The following N4BP2L2 variants were observed in gnomAD, a reference collection of about 807,000 sequenced individuals.
N4BP2L2 encodes NEDD4-binding protein 2-like 2.
N4BP2L2 carries 50 observed loss-of-function variants against 56.2 expected under a neutral mutation model. The observed-to-expected ratio is 0.89, with a 90% confidence interval of 0.71 to 1.13. N4BP2L2 has a LOEUF of 1.13. Ranked by LOEUF, N4BP2L2 falls within the 50% of genes most tolerant of loss-of-function variation. The probability of loss-of-function intolerance (pLI) is 0.00; values close to 1 mark genes in which losing one functional copy is unlikely to be tolerated. For missense variants in N4BP2L2, 689 were observed against 693.8 expected (o/e 0.99, Z 0.08); for synonymous variants, 203 against 223.6 (o/e 0.91, Z 0.82).
intron 6 of N4BP2L2, among the ~76,000 whole-genome samples, chr13:32,454,319 A>C (rs763950189): frequency 6.6e-6 from 1 of 152,248 alleles, no homozygotes; most frequent in Non-Finnish European, 1.5e-5. Flanking sequence ...TACTAAACTA[A>C]TGGAACAAAG....
chr13:32,527,253 A>T, intron 3 of N4BP2L2, 155 bp downstream of exon 3: 2 of 725,676 alleles, frequency 2.8e-6, no homozygotes, highest in Non-Finnish European at 4.3e-6. Flanking sequence ...TATAATTATC[A>T]CCACCTCTAA....
At chr13:32,520,395 C>T (rs968419414) in intron 5 of N4BP2L2, among the ~76,000 whole-genome samples, 9 of 150,982 alleles carry the variant, frequency 6.0e-5, no homozygotes, top group African/African-American at 2.2e-4. Context: ...TGGCTCATGC[C>T]TTTAATCCCA....
intron 2 of N4BP2L2, 140 bp from the exon 3 acceptor site, chr13:32,527,672 G>A (rs2053443402): frequency 6.6e-6 from 6 of 902,470 alleles, no homozygotes; most frequent in Non-Finnish European, 6.6e-6. Context: ...TTACCTGAAA[G>A]TATATCACGA....
chr13:32,488,928 A>G (rs1038212049), intron 6 of N4BP2L2, among the ~76,000 whole-genome samples: 1 of 152,206 alleles, frequency 6.6e-6, no homozygotes, highest in African/African-American at 2.4e-5. Flanking sequence ...TAACAAACAT[A>G]AACTCATGGT....
chr13:32,460,251 A>G (rs1339196256), intron 6 of N4BP2L2, among the ~76,000 whole-genome samples: 1 of 152,190 alleles, frequency 6.6e-6, no homozygotes, highest in Non-Finnish European at 1.5e-5. Context: ...AAACAAGACA[A>G]GGATGCTCAC....
intron 6 of N4BP2L2, among the ~76,000 whole-genome samples, chr13:32,503,907 G>A (rs1317967274): frequency 6.6e-6 from 1 of 152,130 alleles, no homozygotes; most frequent in Non-Finnish European, 1.5e-5. Context: ...TAGCTGGGAG[G>A]ATTGCTTGAG....
At chr13:32,452,045 T>TTTTTTC (rs1262139195) in intron 6 of N4BP2L2, among the ~76,000 whole-genome samples, 1 of 136,182 alleles carries the variant, frequency 7.3e-6, no homozygotes, top group African/African-American at 2.5e-5. Context: ...ACCTCCAGCT[T>TTTTTTC]TTTTTCTTTT....
At chr13:32,538,537 A>C (rs2057214586) in intron 1 of N4BP2L2, 81 bp downstream of exon 1, 1 of 799,098 alleles carries the variant, frequency 1.3e-6, no homozygotes. Flanking sequence ...TTTACAGCTA[A>C]TCTAAACAGT....
chr13:32,442,341 A>G (rs2138292547), intron 7 of N4BP2L2: 4 of 1,432,276 alleles, frequency 2.8e-6, no homozygotes, highest in East Asian at 2.5e-5. Context: ...AATTACTTAC[A>G]TATGTTAAAC....
downstream of N4BP2L2, chr13:32,507,473 A>T (rs1237935723): frequency 6.6e-6 from 1 of 152,234 alleles, no homozygotes; most frequent in Non-Finnish European, 1.5e-5. Flanking sequence ...CAAAATAAAC[A>T]TGTCCTCATT....
chr13:32,466,895 T>C (rs1163559060), intron 6 of N4BP2L2, among the ~76,000 whole-genome samples: 1 of 152,224 alleles, frequency 6.6e-6, no homozygotes, highest in Non-Finnish European at 1.5e-5. Context: ...AAGGGAGTCT[T>C]CCCTAAGAAC....
chr13:32,477,949 C>T (rs1466234149), intron 6 of N4BP2L2: 2 of 1,289,376 alleles, frequency 1.6e-6, no homozygotes, highest in Non-Finnish European at 2.0e-6. Flanking sequence ...GTTCTTGCTG[C>T]TCTTGGTCAT....
chr13:32,466,894 T>C (rs377048542), intron 6 of N4BP2L2, among the ~76,000 whole-genome samples: 2 of 152,234 alleles, frequency 1.3e-5, no homozygotes, highest in East Asian at 3.8e-4. Context: ...AAAGGGAGTC[T>C]TCCCTAAGAA....
intron 2 of N4BP2L2, among the ~76,000 whole-genome samples, chr13:32,529,252 G>A (rs1465181342): frequency 1.3e-5 from 2 of 152,196 alleles, no homozygotes; most frequent in East Asian, 3.8e-4. Context: ...AGGTTGGTGT[G>A]AACGTAATTG....
chr13:32,520,358 A>T (rs2050478878), intron 5 of N4BP2L2, among the ~76,000 whole-genome samples: 1 of 75,236 alleles, frequency 1.3e-5, no homozygotes, highest in East Asian at 2.9e-4. Context: ...GATAAAAGTT[A>T]AAAAAAAAAA....
chr13:32,537,444 T>C (rs1392722081), intron 1 of N4BP2L2, among the ~76,000 whole-genome samples: 1 of 152,142 alleles, frequency 6.6e-6, no homozygotes, highest in African/African-American at 2.4e-5. Context: ...ATACTCAAAA[T>C]GGCTGTGATA....
chr13:32,527,415 C>A, exon 3 of N4BP2L2: 3 of 1,613,866 alleles, frequency 1.9e-6, no homozygotes, highest in Non-Finnish European at 2.5e-6. Context: ...AACCTCTGTT[C>A]TGGTTCCAGT....
chr13:32,480,577 G>C (rs1173102635), intron 6 of N4BP2L2: 1 of 1,257,784 alleles, frequency 8.0e-7, no homozygotes, highest in Non-Finnish European at 1.0e-6. Flanking sequence ...ATTACTTGGA[G>C]TTTCCATCTC....
intron 6 of N4BP2L2, among the ~76,000 whole-genome samples, chr13:32,492,763 C>T (rs2087463018): frequency 1.3e-5 from 2 of 151,832 alleles, no homozygotes; most frequent in Non-Finnish European, 2.9e-5. Context: ...AAGTATCATG[C>T]TCTCAAAAAA....
Sources: gnomAD v4.1 joint callset for allele counts (sites outside exome capture counted in the v4.1 genomes callset) on GRCh38, gnomAD v4.1.1 for gene constraint, MANE v1.5 for transcripts, NCBI Gene and HGNC (gene_info 2026-07-23, HGNC 2026-07-21) for gene names.